The following SERPINC1 variants were observed in gnomAD, a reference collection of about 807,000 sequenced individuals.
SERPINC1 encodes serpin family C member 1.
A neutral mutation model predicts 43.4 loss-of-function variants in SERPINC1; 12 were observed. That is an observed-to-expected ratio of 0.28 (90% CI 0.18 to 0.45). The LOEUF (loss-of-function observed/expected upper bound fraction) is 0.45. SERPINC1 is among the 20% of genes least tolerant of loss of function. The probability of loss-of-function intolerance (pLI) is 1.00; values close to 1 mark genes in which losing one functional copy is unlikely to be tolerated. For synonymous variants in SERPINC1, 210 were observed against 218.9 expected (o/e 0.96, Z 0.36); for missense variants, 423 against 578.8 (o/e 0.73, Z 2.76).
intron 2 of SERPINC1, 73 bp from the exon 3 acceptor site, chr1:173,912,087 GGTCA>G (rs1657796182): frequency 1.9e-6 from 2 of 1,080,768 alleles, no homozygotes; most frequent in Non-Finnish European, 2.9e-6. Flanking sequence ...AGCACATGCT[GGTCA>G]GTCTCTGACT....
At chr1:173,908,724 C>A (rs148783362) in intron 5 of SERPINC1, among the ~76,000 whole-genome samples, 4,411 of 152,008 alleles carry the variant, frequency 0.029, 85 homozygotes, top group Non-Finnish European at 0.041. Context: ...CCATGCCTGG[C>A]TAATTTTTTT....
At position 173,909,173 on chromosome 1, in the gene SERPINC1, A is replaced by G. The variant is rs150866949; in HGVS notation, c.1153+379T>C. Among the ~76,000 whole-genome samples the G allele has an allele frequency of 3.0e-3, 452 of 152,000 alleles. 3 individuals carry two copies. Among genetic ancestry groups the G allele is most frequent in the African/African-American group, 0.011 (438 of 41,356 alleles). The stretch of plus-strand genomic sequence containing the variant: ...GTAAGACTCTGTCTCAAGTAATAAT[A>G]ATAATAATAATAAATGTCAGTGAGG... On this transcript the variant is annotated intron_variant, in intron 5 of 6. Transcript: ENST00000367698.
chr1:173,908,937 C>T (rs1195349557), intron 5 of SERPINC1, among the ~76,000 whole-genome samples: 1 of 152,150 alleles, frequency 6.6e-6, no homozygotes, highest in Non-Finnish European at 1.5e-5. Flanking sequence ...GAAGCCAAGG[C>T]AGGCGGATCA....
In SERPINC1 at chr1:173,906,394, T is replaced by TCAGA. The variant is rs1401279583; in HGVS notation, c.1218+1052_1218+1055dup. On this transcript the variant is annotated intron_variant, in intron 6 of 6. Transcript: ENST00000367698. ...ACCGTCTTCTTTACTGTGGGACTTG[T>TCAGA]CAGACCTCAGCATGTCAGTGTGTAC... Among the ~76,000 whole-genome samples, 4 of 152,364 alleles carry TCAGA rather than the reference T, an allele frequency of 2.6e-5. No homozygotes were observed. In the East Asian group the frequency reaches 7.7e-4, roughly 29 times the overall value.
chr1:173,905,985 T>C (rs1165260288), intron 6 of SERPINC1, among the ~76,000 whole-genome samples: 1 of 152,220 alleles, frequency 6.6e-6, no homozygotes, highest in Non-Finnish European at 1.5e-5. Flanking sequence ...GATCCCTGGA[T>C]CTATATTTAC....
In SERPINC1 at chr1:173,903,840, TTC is replaced by T. The variant is rs1338428623; in HGVS notation, c.*47_*48del. The stretch of plus-strand genomic sequence containing the variant: ...GGAAGTAGTTTGTATTTATTTTTAC[TTC>T]TGTTCACAAACCAAAAATAGGAAGA... On this transcript the variant is annotated 3_prime_UTR_variant, in exon 7 of 7. Transcript: ENST00000367698. 1 of 1,516,048 alleles carries T rather than the reference TTC, an allele frequency of 6.6e-7. No homozygotes were observed. The highest frequency in any genetic ancestry group is 1.1e-5 in the South Asian group (1 of 88,720). The allele number at this position is 1,516,048 out of a possible 1,614,324, so 93.9% of individuals were successfully genotyped here. A position where few individuals can be genotyped will look rare whatever the true frequency, so the allele number is the denominator to read the frequency against.
rs370533988 is a variant in SERPINC1 at position 173,903,860 on chromosome 1, T to C, written c.*29A>G. ...TTTACTTCTGTTCACAAACCAAAAA[T>C]AGGAAGAGGTGCAAAGAATAAGAAC... On this transcript the variant is annotated 3_prime_UTR_variant, in exon 7 of 7. Transcript: ENST00000367698. 2 of 1,605,016 alleles carry C rather than the reference T, an allele frequency of 1.2e-6. No homozygotes were observed. Among genetic ancestry groups the C allele is most frequent in the Non-Finnish European group, 1.7e-6 (2 of 1,172,066 alleles).
At chr1:173,906,136 G>A (rs568047310) in intron 6 of SERPINC1, among the ~76,000 whole-genome samples, 3 of 152,216 alleles carry the variant, frequency 2.0e-5, no homozygotes, top group South Asian at 4.1e-4. Context: ...CTATACCAGT[G>A]GTTCCCAAAT....
At chr1:173,904,358 T>C (rs985276972) in intron 6 of SERPINC1, among the ~76,000 whole-genome samples, 2 of 152,192 alleles carry the variant, frequency 1.3e-5, no homozygotes, top group African/African-American at 4.8e-5. Flanking sequence ...GCTGGTACCA[T>C]TGTAAATGGT....
chr1:173,910,989 C>A (rs1657750347), intron 3 of SERPINC1, 98 bp from the exon 4 acceptor site: 4 of 1,375,668 alleles, frequency 2.9e-6, no homozygotes, highest in Non-Finnish European at 4.1e-6. Flanking sequence ...TCCCTCTGTC[C>A]TTTCCCACCA....
chr1:173,912,040 G>A (rs368106455), intron 2 of SERPINC1, 26 bp from the exon 3 acceptor site: 13 of 1,544,096 alleles, frequency 8.4e-6, no homozygotes, highest in East Asian at 2.2e-5. Flanking sequence ...AAAAATGGTG[G>A]TGGGTTTGGT....
chr1:173,910,939 C>T, intron 3 of SERPINC1, 48 bp from the exon 4 acceptor site: 1 of 1,604,266 alleles, frequency 6.2e-7, no homozygotes, highest in Non-Finnish European at 8.5e-7. Context: ...ATTCAATTGG[C>T]TTCTCCATTT....
At chr1:173,916,050 A>G (rs1326914374) in intron 1 of SERPINC1, among the ~76,000 whole-genome samples, 4 of 152,210 alleles carry the variant, frequency 2.6e-5, no homozygotes, top group African/African-American at 9.7e-5. Flanking sequence ...GCTTTAGTTC[A>G]GGCTCTCATC....
chr1:173,915,299 G>C, intron 1 of SERPINC1: 1 of 476,784 alleles, frequency 2.1e-6, no homozygotes. Flanking sequence ...GCCATCTACA[G>C]AAACTGTTTG....
Position 173,904,056 on chromosome 1 carries a change from C to G in SERPINC1, c.1228G>C (p.Glu410Gln). ...GTACTTGCAGCTGCTTCACTGCCTT[C>G]TTCATTTACCTGCAGGTCACATGGG... ...FHKAFLEVNE[E>Q]GSEAAASTAV... is the part of the protein sequence containing the mutation. Residue 410 changes from glutamate (E) to glutamine (Q), a missense_variant, in exon 7 of 7, where the codon GAA (glutamate) becomes CAA (glutamine). By Grantham distance (29) the Glu-to-Gln change is conservative. Coordinates refer to ENST00000367698, the MANE Select transcript of SERPINC1 (RefSeq NM_000488.4). 1 of 1,614,178 alleles carries G rather than the reference C, an allele frequency of 6.2e-7. No individual in the cohort carries two copies. Among genetic ancestry groups the G allele is most frequent in the Non-Finnish European group, 8.5e-7 (1 of 1,179,994 alleles).
chr1:173,911,456 T>G (rs1270081227), intron 3 of SERPINC1, among the ~76,000 whole-genome samples: 1 of 152,234 alleles, frequency 6.6e-6, no homozygotes, highest in Non-Finnish European at 1.5e-5. Flanking sequence ...ATGCATCATG[T>G]ACCAACTTTA....
In SERPINC1 at chr1:173,914,540, C is replaced by A. The variant is rs1657905324; in HGVS notation, c.408+13G>T. 1 of 1,613,644 alleles carries A rather than the reference C, an allele frequency of 6.2e-7. No individual in the cohort carries two copies. Among genetic ancestry groups the A allele is most frequent in the African/African-American group, 1.3e-5 (1 of 74,906 alleles). ...CCTAACAAGGTGGCTGGGCAGAAGA[C>A]CTTTGGTCGTACCTCCATCAGTTGC... is the stretch of plus-strand genomic sequence containing the variant. On this transcript the variant is annotated intron_variant, in intron 2 of 6. Transcript: ENST00000367698.
At chr1:173,913,437 C>T (rs748381636) in intron 2 of SERPINC1, among the ~76,000 whole-genome samples, 5 of 152,206 alleles carry the variant, frequency 3.3e-5, no homozygotes, top group Non-Finnish European at 7.3e-5. Context: ...AACACTCTCA[C>T]GTCCTTGAGG....
At chr1:173,908,806 C>A (rs1657641371) in intron 5 of SERPINC1, among the ~76,000 whole-genome samples, 1 of 152,098 alleles carries the variant, frequency 6.6e-6, no homozygotes, top group African/African-American at 2.4e-5. Context: ...ACGATCCTCC[C>A]ACCTCAGCCT....
Sources: gnomAD v4.1 joint callset for allele counts (sites outside exome capture counted in the v4.1 genomes callset) on GRCh38, gnomAD v4.1.1 for gene constraint, MANE v1.5 for transcripts, NCBI Gene and HGNC (gene_info 2026-07-23, HGNC 2026-07-21) for gene names.